Variants in UPB1 observed in about 807,000 individuals in gnomAD.
The protein encoded by UPB1 is beta-ureidopropionase 1.
A neutral mutation model predicts 49.1 loss-of-function variants in UPB1; 40 were observed. That is an observed-to-expected ratio of 0.81 (90% CI 0.63 to 1.06). The LOEUF (loss-of-function observed/expected upper bound fraction) is 1.06, where lower values mean the gene tolerates loss of function less well. Ranked by LOEUF, UPB1 falls within the 50% of genes least tolerant of loss-of-function variation. UPB1 has a pLI of 0.00. For synonymous variants in UPB1, 207 were observed against 198.2 expected (o/e 1.04, Z -0.38); for missense variants, 499 against 505.9 (o/e 0.99, Z 0.13).
At position 24,510,828 on chromosome 22, in the gene UPB1, C is replaced by T; in HGVS notation, c.444C>T (p.Thr148=). 2 of 1,614,206 alleles carry T rather than the reference C, an allele frequency of 1.2e-6. No individual in the cohort carries two copies. The highest frequency in any genetic ancestry group is 8.5e-7 in the Non-Finnish European group (1 of 1,180,036). Residue 148 remains threonine (T), a synonymous_variant, in exon 4 of 10, where the codon ACC becomes ACT. Transcript: ENST00000326010. The stretch of plus-strand genomic sequence containing the variant: ...AGTCAGCAGAGGATGGGCCCACCAC[C>T]AGATTCTGTCAGAAGGTAGGACATT... ...FAESAEDGPT[T]RFCQKLAKNH...
chr22:24,508,136 C>T (rs1182007564), intron 3 of UPB1, among the ~76,000 whole-genome samples: 4 of 152,308 alleles, frequency 2.6e-5, no homozygotes, highest in East Asian at 1.9e-4. Context: ...TTAAGGCCCT[C>T]GCAGAGGCCA....
intron 1 of UPB1, among the ~76,000 whole-genome samples, chr22:24,499,422 C>CT (rs1462987384): frequency 6.6e-6 from 1 of 152,126 alleles, no homozygotes; most frequent in Non-Finnish European, 1.5e-5. Flanking sequence ...TGCTGTTTGG[C>CT]TAATGGTCAC....
rs2044474698 is a variant in UPB1, at chr22:24,525,858, G to A, written c.*64G>A. 2 of 1,598,372 alleles carry A rather than the reference G, an allele frequency of 1.3e-6. No individual in the cohort carries two copies. Among genetic ancestry groups the A allele is most frequent in the Non-Finnish European group, 1.7e-6 (2 of 1,166,338 alleles). ...CTGCCCCAGTGGATTAGCAAGTGTG[G>A]CAGGCTTAACATGTCCAGGTTCTCC... On this transcript the variant is annotated 3_prime_UTR_variant, in exon 10 of 10. Transcript: ENST00000326010.
intron 4 of UPB1, among the ~76,000 whole-genome samples, chr22:24,512,137 A>G (rs1279039972): frequency 2.9e-5 from 4 of 136,830 alleles, no homozygotes; most frequent in Non-Finnish European, 6.2e-5. Flanking sequence ...GCTGTAGGGG[A>G]AAAAAAAAAA....
Position 24,525,744 on chromosome 22 carries a change from C to G in UPB1, c.1105C>G (p.Leu369Val), listed in dbSNP as rs2044472680. Residue 369 changes from leucine (L) to valine (V), a missense_variant, in exon 10 of 10, where the codon CTC (leucine) becomes GTC (valine). Physicochemically the swap from Leu to Val is conservative, Grantham distance 32. Transcript: ENST00000326010. The part of the protein sequence containing the change: ...TGRYEMYARE[L>V]AEAVKSNYSP... ...CAGGTATGAGATGTACGCACGGGAG[C>G]TCGCCGAAGCTGTCAAGTCCAACTA... 2 of 1,614,078 alleles carry G rather than the reference C, an allele frequency of 1.2e-6. No homozygotes were observed. Among genetic ancestry groups the G allele is most frequent in the African/African-American group, 2.7e-5 (2 of 74,924 alleles).
rs1015050 is a variant in UPB1, at chr22:24,510,916, G to A, written c.459+73G>A. ...GTCACAGAGCATGACCACAGCTGCC[G>A]GGTTTGGCCTTTCACCATGGAAAAT... On this transcript the variant is annotated intron_variant, in intron 4 of 9. Transcript: ENST00000326010. 4,336 of 1,519,146 alleles carry A rather than the reference G, an allele frequency of 2.9e-3. 111 individuals are homozygous for A. The African/African-American group carries it at 0.052, about 18-fold the overall frequency. 94.1% of individuals were successfully genotyped at this position (1,519,146 alleles called of 1,614,324 possible).
At chr22:24,513,205 C>T in intron 4 of UPB1, 119 bp from the exon 5 acceptor site, 8 of 1,436,840 alleles carry the variant, frequency 5.6e-6, no homozygotes, top group Non-Finnish European at 7.7e-6. Context: ...TTCCAAACAA[C>T]AAATGCAAGT....
intron 3 of UPB1, among the ~76,000 whole-genome samples, chr22:24,509,973 C>T (rs1430749792): frequency 6.6e-6 from 1 of 152,200 alleles, no homozygotes. Context: ...TGACTCACAC[C>T]TGTAATCCCA....
chr22:24,496,647 C>T (rs1425619619), intron 1 of UPB1, among the ~76,000 whole-genome samples: 2 of 151,944 alleles, frequency 1.3e-5, no homozygotes, highest in Non-Finnish European at 2.9e-5. Flanking sequence ...CTCAGGTGGG[C>T]GAGGCTGGGC....
At chr22:24,509,989 T>G (rs1311591126) in intron 3 of UPB1, among the ~76,000 whole-genome samples, 1 of 152,142 alleles carries the variant, frequency 6.6e-6, no homozygotes, top group African/African-American at 2.4e-5. Flanking sequence ...TCCCAGCACT[T>G]TGGGAGGCTG....
intron 8 of UPB1, among the ~76,000 whole-genome samples, chr22:24,522,943 TAAA>T (rs747503249): frequency 4.5e-5 from 3 of 66,372 alleles, no homozygotes; most frequent in Admixed American, 3.6e-4. Flanking sequence ...AAATGCCACC[TAAA>T]AAAAAAAAAA....
At chr22:24,510,692 G>T in intron 3 of UPB1, 57 bp from the exon 4 acceptor site, 1 of 1,564,710 alleles carries the variant, frequency 6.4e-7, no homozygotes, top group South Asian at 1.1e-5. Context: ...GGGCTGAGGA[G>T]CCCCCCTCAG....
chr22:24,525,854 T>G lies in UPB1; in HGVS notation c.*60T>G. The G allele has an allele frequency of 1.2e-6, 2 of 1,600,406 alleles. No individual in the cohort carries two copies. The highest frequency in any genetic ancestry group is 1.7e-6 in the Non-Finnish European group (2 of 1,167,986). On this transcript the variant is annotated 3_prime_UTR_variant, in exon 10 of 10. Coordinates refer to ENST00000326010, the MANE Select transcript of UPB1 (RefSeq NM_016327.3). ...ACCTCTGCCCCAGTGGATTAGCAAGTGTGGCAGGCTTAACATGTCCAGGTT... is the reference window on the plus strand; with the variant it reads ...ACCTCTGCCCCAGTGGATTAGCAAGGGTGGCAGGCTTAACATGTCCAGGTT...
chr22:24,501,227 C>T (rs1481611242), intron 2 of UPB1, among the ~76,000 whole-genome samples: 1 of 152,140 alleles, frequency 6.6e-6, no homozygotes, highest in Non-Finnish European at 1.5e-5. Context: ...CAGCAAATAT[C>T]CACAAAGCCA....
In UPB1 at chr22:24,495,434, GA is replaced by G. The variant is rs749635214; in HGVS notation, c.33del (p.Glu11AspfsTer15). MAGAEWKSLE[E>X]CLEKHLPLPD... ...GGGCGCTGAGTGGAAGTCGCTGGAG[GA>G]ATGCTTGGAGAAGCACCTGCCGCTC... is the stretch of plus-strand genomic sequence containing the variant. On this transcript the variant is annotated frameshift_variant, in exon 1 of 10. Transcript: ENST00000326010. LOFTEE classifies it high-confidence loss of function. 3 of 1,613,682 alleles carry G rather than the reference GA, an allele frequency of 1.9e-6. No individual in the cohort carries two copies. The highest frequency in any genetic ancestry group is 2.5e-6 in the Non-Finnish European group (3 of 1,180,046).
At chr22:24,525,192 G>C (rs996125827) in intron 9 of UPB1, among the ~76,000 whole-genome samples, 3 of 142,544 alleles carry the variant, frequency 2.1e-5, no homozygotes, top group Non-Finnish European at 4.6e-5. Flanking sequence ...GCTTTTGGGA[G>C]TAATCCACCT....
At chr22:24,511,866 C>T (rs1429129791) in intron 4 of UPB1, among the ~76,000 whole-genome samples, 4 of 152,062 alleles carry the variant, frequency 2.6e-5, no homozygotes, top group East Asian at 3.9e-4. Context: ...TCCGCCACCT[C>T]GGCCTCCCAA....
chr22:24,509,368 A>G (rs1419800747), intron 3 of UPB1, among the ~76,000 whole-genome samples: 1 of 24,568 alleles, frequency 4.1e-5, no homozygotes, highest in East Asian at 7.8e-4. Flanking sequence ...TTTGAAAAAA[A>G]AAAAAAAAAA....
chr22:24,497,970 C>T (rs1030529916), intron 1 of UPB1, among the ~76,000 whole-genome samples: 1 of 152,158 alleles, frequency 6.6e-6, no homozygotes, highest in African/African-American at 2.4e-5. Flanking sequence ...TCTGAGTGTG[C>T]AACCCTGGCT....
Sources: gnomAD v4.1 joint callset for allele counts (sites outside exome capture counted in the v4.1 genomes callset) on GRCh38, gnomAD v4.1.1 for gene constraint, MANE v1.5 for transcripts, NCBI Gene and HGNC (gene_info 2026-07-23, HGNC 2026-07-21) for gene names.